The following BRINP1 variants were observed in gnomAD, a reference collection of about 807,000 sequenced individuals.
BRINP1 encodes the protein BMP/retinoic acid inducible neural specific 1, also known as BMP/retinoic acid-inducible neural-specific protein 1.
BRINP1 carries 17 observed loss-of-function variants against 72.9 expected under a neutral mutation model. The observed-to-expected ratio is 0.23, with a 90% CI of 0.16 to 0.35. BRINP1 has a LOEUF of 0.35. Among genes scored for constraint, BRINP1 ranks in the 10% least tolerant of loss-of-function variants. The pLI is 1.00. For missense variants in BRINP1, 850 were observed against 1,001.6 expected (o/e 0.85, Z 2.04); for synonymous variants, 418 against 378.5 (o/e 1.10, Z -1.21).
At chr9:119,271,770 C>T (rs979171046) in intron 2 of BRINP1, among the ~76,000 whole-genome samples, 1 of 151,792 alleles carries the variant, frequency 6.6e-6, no homozygotes, top group African/African-American at 2.4e-5. Context: ...GTTGATTTGC[C>T]ACTTCTTTGT....
chr9:119,313,521 A>C, intron 1 of BRINP1, 116 bp from the exon 2 acceptor site: 1 of 868,858 alleles, frequency 1.2e-6, no homozygotes, highest in Non-Finnish European at 1.7e-6. Context: ...TGATTAACAC[A>C]TCTTCATAAT....
intron 2 of BRINP1, among the ~76,000 whole-genome samples, chr9:119,261,873 C>T (rs1830499962): frequency 1.3e-5 from 2 of 150,360 alleles, no homozygotes; most frequent in African/African-American, 4.9e-5. Flanking sequence ...CCTCTCTTTC[C>T]CTCCTCCTTC....
chr9:119,247,479 G>A (rs1299730417), intron 3 of BRINP1, among the ~76,000 whole-genome samples: 3 of 148,202 alleles, frequency 2.0e-5, no homozygotes, highest in Admixed American at 6.9e-5. Flanking sequence ...GTGAAACCCC[G>A]TCTCTACTAA....
intron 5 of BRINP1, among the ~76,000 whole-genome samples, chr9:119,233,915 A>G (rs1830169204): frequency 6.6e-6 from 1 of 152,078 alleles, no homozygotes; most frequent in Non-Finnish European, 1.5e-5. Context: ...TTTACGTCTA[A>G]CTTGTTTCAC....
At chr9:119,300,496 C>T (rs898614983) in intron 2 of BRINP1, among the ~76,000 whole-genome samples, 11 of 152,028 alleles carry the variant, frequency 7.2e-5, no homozygotes, top group South Asian at 2.1e-4. Flanking sequence ...AGTATATACA[C>T]GACTATGTAC....
intron 5 of BRINP1, among the ~76,000 whole-genome samples, chr9:119,221,842 A>G (rs1319920553): frequency 6.6e-6 from 1 of 152,148 alleles, no homozygotes; most frequent in Non-Finnish European, 1.5e-5. Context: ...TTGGTAGCAG[A>G]GGACTCCCCA....
At position 119,238,549 on chromosome 9, in the gene BRINP1, C is replaced by T; in HGVS notation, c.685+106G>A. The T allele has an allele frequency of 3.2e-6, 2 of 622,830 alleles. 1 individual carries two copies. The highest frequency in any genetic ancestry group is 4.9e-5 in the South Asian group (2 of 40,652). 38.6% of individuals were successfully genotyped at this position (622,830 alleles called of 1,614,324 possible). Reference sequence around the variant, plus strand: ...GTTTTCATTAGATTTTCTATGCTTCCTCTTCTTTATTCTCCCTTCACTCCA... The same window carrying T: ...GTTTTCATTAGATTTTCTATGCTTCTTCTTCTTTATTCTCCCTTCACTCCA... On this transcript the variant is annotated intron_variant, in intron 5 of 7. Transcript: ENST00000265922.
chr9:119,365,676 T>C (rs1039776801), intron 1 of BRINP1, among the ~76,000 whole-genome samples: 1 of 152,186 alleles, frequency 6.6e-6, no homozygotes, highest in African/African-American at 2.4e-5. Context: ...AAGAAAGAGA[T>C]GTTGAATTCG....
intron 2 of BRINP1, among the ~76,000 whole-genome samples, chr9:119,261,774 TTTCC>T (rs548523603): frequency 1.3e-5 from 2 of 151,796 alleles, no homozygotes; most frequent in Non-Finnish European, 2.9e-5. Context: ...CTCTTCCTTC[TTTCC>T]TTCCTTCCTT....
intron 2 of BRINP1, among the ~76,000 whole-genome samples, chr9:119,271,131 G>A (rs1239457626): frequency 1.3e-5 from 2 of 152,136 alleles, no homozygotes; most frequent in Non-Finnish European, 1.5e-5. Flanking sequence ...GATAACTGAT[G>A]AAATGGTTAA....
chr9:119,258,809 C>A (rs947404794), intron 2 of BRINP1, among the ~76,000 whole-genome samples: 1 of 152,224 alleles, frequency 6.6e-6, no homozygotes, highest in Non-Finnish European at 1.5e-5. Context: ...ATTCTCCCAA[C>A]AACCTGGAAG....
intron 2 of BRINP1, among the ~76,000 whole-genome samples, chr9:119,268,722 CA>C (rs1177387155): frequency 2.6e-5 from 4 of 152,164 alleles, no homozygotes; most frequent in African/African-American, 9.7e-5. Flanking sequence ...ATACAAACTC[CA>C]GTAGGACAAG....
intron 7 of BRINP1, among the ~76,000 whole-genome samples, chr9:119,195,467 A>C (rs1184604019): frequency 2.6e-5 from 4 of 152,086 alleles, no homozygotes; most frequent in African/African-American, 9.7e-5. Flanking sequence ...ACTGATCCTC[A>C]CTCTAACTCA....
At chr9:119,213,881 A>C in intron 6 of BRINP1, 38 bp downstream of exon 6, 1 of 1,553,764 alleles carries the variant, frequency 6.4e-7, no homozygotes, top group Non-Finnish European at 8.9e-7. Flanking sequence ...ACTTGGCTCA[A>C]GGCCACTCAT....
intron 1 of BRINP1, among the ~76,000 whole-genome samples, chr9:119,315,662 A>G (rs1831117432): frequency 6.6e-6 from 1 of 152,248 alleles, no homozygotes; most frequent in South Asian, 2.1e-4. Context: ...ATAGGCTGGA[A>G]GCTAGGGCTC....
At chr9:119,299,713 G>A (rs866934177) in intron 2 of BRINP1, among the ~76,000 whole-genome samples, 4 of 151,032 alleles carry the variant, frequency 2.6e-5, no homozygotes, top group Non-Finnish European at 4.4e-5. Flanking sequence ...CCATGTTGTT[G>A]CAAATGACAA....
At chr9:119,209,891 TGG>T (rs1829904625) in intron 6 of BRINP1, among the ~76,000 whole-genome samples, 2 of 152,226 alleles carry the variant, frequency 1.3e-5, no homozygotes, top group Admixed American at 1.3e-4. Context: ...TGAAGTTGTA[TGG>T]GTGTCCCATC....
chr9:119,292,214 G>C (rs1308084715), intron 2 of BRINP1, among the ~76,000 whole-genome samples: 1 of 152,192 alleles, frequency 6.6e-6, no homozygotes, highest in Non-Finnish European at 1.5e-5. Flanking sequence ...GCTAGAACTA[G>C]AGCTGAGGTG....
intron 2 of BRINP1, among the ~76,000 whole-genome samples, chr9:119,299,816 C>G (rs773013438): frequency 9.2e-5 from 14 of 152,118 alleles, no homozygotes; most frequent in Non-Finnish European, 1.9e-4. Flanking sequence ...CTCAAGTTGA[C>G]TCCATATCTT....
Sources: gnomAD v4.1 joint callset for allele counts (sites outside exome capture counted in the v4.1 genomes callset) on GRCh38, gnomAD v4.1.1 for gene constraint, MANE v1.5 for transcripts, NCBI Gene and HGNC (gene_info 2026-07-23, HGNC 2026-07-21) for gene names.